The following PLEK variants were observed in gnomAD, a reference collection of about 807,000 sequenced individuals.
PLEK encodes the protein platelet 47 kDa protein.
PLEK carries 25 observed loss-of-function variants against 43.9 expected under a neutral mutation model. That is an observed-to-expected ratio of 0.57 (90% CI 0.41 to 0.79). The LOEUF is 0.79. Ranked by LOEUF, PLEK falls within the 30% of genes least tolerant of loss-of-function variation. The probability of loss-of-function intolerance (pLI) is 0.00; values close to 1 mark genes in which losing one functional copy is unlikely to be tolerated. For missense variants in PLEK, 396 were observed against 413.3 expected (o/e 0.96, Z 0.36); for synonymous variants, 152 against 144.4 (o/e 1.05, Z -0.38).
rs145243704 is a variant in PLEK at position 68,389,829 on chromosome 2, G to A, written c.762+1338G>A. On this transcript the variant is annotated intron_variant, in intron 6 of 8. Coordinates refer to ENST00000234313, the MANE Select transcript of PLEK (RefSeq NM_002664.3). ...ACAGTTTGCCCGCTGCTGCTTTCTC[G>A]TTGGTTTTGCCAAATATTCCTATGT... is the stretch of plus-strand genomic sequence containing the variant. Among the ~76,000 whole-genome samples, 8 of 152,260 alleles carry A rather than the reference G, an allele frequency of 5.3e-5. No homozygotes were observed. In the South Asian group the frequency reaches 1.0e-3, roughly 20 times the overall value.
chr2:68,386,677 C>T lies in PLEK; in HGVS notation c.648C>T (p.Phe216=), dbSNP rs141944320. 2 of 1,611,852 alleles carry T rather than the reference C, an allele frequency of 1.2e-6. No individual in the cohort carries two copies. The highest frequency in any genetic ancestry group is 1.7e-6 in the Non-Finnish European group (2 of 1,178,280). ...ENPFLDNPDA[F]YYFPDSGFFC... ...CTTTCCTGGACAACCCTGATGCCTT[C>T]TACTACTTTGTAAGAAAAGCTCCCC... The change falls in exon 5 of 9, where the codon TTC becomes TTT. Residue 216 remains phenylalanine, a synonymous_variant. Coordinates refer to ENST00000234313, the MANE Select transcript of PLEK (RefSeq NM_002664.3).
chr2:68,389,163 A>G (rs1412126593), intron 6 of PLEK, among the ~76,000 whole-genome samples: 1 of 152,234 alleles, frequency 6.6e-6, no homozygotes, highest in Non-Finnish European at 1.5e-5. Flanking sequence ...GCCAAGAGGT[A>G]AGAGATGGAC....
At chr2:68,389,696 G>T (rs1377700633) in intron 6 of PLEK, among the ~76,000 whole-genome samples, 1 of 152,160 alleles carries the variant, frequency 6.6e-6, no homozygotes, top group East Asian at 1.9e-4. Context: ...AGAATTCATG[G>T]ACTATTATAG....
chr2:68,383,913 A>G (rs1673683323), intron 4 of PLEK, among the ~76,000 whole-genome samples: 2 of 152,332 alleles, frequency 1.3e-5, no homozygotes, highest in South Asian at 4.1e-4. Flanking sequence ...GCAGCCCAGC[A>G]TCAGACAAGG....
intron 1 of PLEK, among the ~76,000 whole-genome samples, chr2:68,371,966 T>C (rs1318794647): frequency 6.6e-6 from 1 of 152,218 alleles, no homozygotes; most frequent in Non-Finnish European, 1.5e-5. Context: ...CAATCAATTA[T>C]GTTTTATTGG....
chr2:68,387,067 G>A (rs1673760893), intron 5 of PLEK, among the ~76,000 whole-genome samples: 1 of 152,118 alleles, frequency 6.6e-6, no homozygotes, highest in South Asian at 2.1e-4. Context: ...GTGCAGTGGT[G>A]TCATCTCGGC....
chr2:68,380,328 G>A lies in PLEK; in HGVS notation c.43G>A (p.Gly15Arg), dbSNP rs772352305. 5 of 1,611,070 alleles carry A rather than the reference G, an allele frequency of 3.1e-6. No homozygotes were observed. The highest frequency in any genetic ancestry group is 1.3e-5 in the African/African-American group (1 of 74,852). ...TCAGCTCTTTTGGTTGTCATTACAG[G>A]GGAGCGTGTTCAATACGTGGAAACC... ...RIREGYLVKK[G>R]SVFNTWKPMW... The change falls in exon 2 of 9, where the codon GGG becomes AGG. Residue 15 changes from glycine to arginine, a missense_variant and splice_region_variant. Physicochemically the swap from Gly to Arg is moderately radical, Grantham distance 125 (BLOSUM62 -2). Coordinates refer to ENST00000234313, the MANE Select transcript of PLEK (RefSeq NM_002664.3).
At chr2:68,384,649 C>G (rs922399498) in intron 4 of PLEK, among the ~76,000 whole-genome samples, 5 of 152,134 alleles carry the variant, frequency 3.3e-5, no homozygotes, top group Non-Finnish European at 7.4e-5. Context: ...TGGGACCCAG[C>G]AGTACTGACA....
chr2:68,392,142 T>C (rs1673872109), intron 6 of PLEK, among the ~76,000 whole-genome samples: 1 of 151,780 alleles, frequency 6.6e-6, no homozygotes, highest in Non-Finnish European at 1.5e-5. Flanking sequence ...CTTTCCTTCC[T>C]CCTACCTTCC....
intron 3 of PLEK, among the ~76,000 whole-genome samples, chr2:68,381,997 G>A (rs372827616): frequency 6.6e-6 from 1 of 152,192 alleles, no homozygotes; most frequent in African/African-American, 2.4e-5. Context: ...TATCTTTGAT[G>A]TATTACTTCA....
intron 7 of PLEK, 26 bp downstream of exon 7, chr2:68,393,271 A>G (rs778180994): frequency 2.2e-6 from 3 of 1,395,226 alleles, no homozygotes; most frequent in African/African-American, 2.8e-5. Flanking sequence ...TCATAAATCC[A>G]TTCAAATAAA....
rs771791179 is a variant in PLEK at position 68,394,165 on chromosome 2, G to A, written c.905G>A (p.Ser302Asn). The part of the protein sequence containing the change: ...LRGCVVTSVE[S>N]NSNGRKSEEE... ...GGCTGTGTGGTGACTTCAGTGGAGA[G>A]CAACTCAAATGGTAAGATGAATTTC... The change falls in exon 8 of 9, where the codon AGC (serine) becomes AAC (asparagine). Residue 302 changes from serine to asparagine, a missense_variant. Transcript: ENST00000234313. 1.9e-6 allele frequency: 3 copies of A among 1,599,972 alleles called. No homozygotes were observed. Among genetic ancestry groups the A allele is most frequent in the Non-Finnish European group, 2.6e-6 (3 of 1,167,306 alleles).
At chr2:68,366,876 A>AG (rs1182317149) in intron 1 of PLEK, among the ~76,000 whole-genome samples, 1 of 152,208 alleles carries the variant, frequency 6.6e-6, no homozygotes, top group Non-Finnish European at 1.5e-5. Context: ...TTTTTAAACA[A>AG]TTAAAAACAT....
chr2:68,374,501 T>G (rs1320061388), intron 1 of PLEK, among the ~76,000 whole-genome samples: 1 of 152,170 alleles, frequency 6.6e-6, no homozygotes, highest in Non-Finnish European at 1.5e-5. Context: ...TGGAGTTAAC[T>G]AACAGGACCT....
At position 68,382,393 on chromosome 2, in the gene PLEK, A is replaced by T. The variant is rs2103773094; in HGVS notation, c.381-149A>T. ...TTGCCCCTCCACTACTTATGATCTG[A>T]TGGAGGGAGATTAAGCTCAGGGGAT... On this transcript the variant is annotated intron_variant, in intron 3 of 8. Coordinates refer to ENST00000234313, the MANE Select transcript of PLEK (RefSeq NM_002664.3). The T allele has an allele frequency of 5.1e-6, 3 of 587,186 alleles. No individual in the cohort carries two copies. In the East Asian group the frequency reaches 8.3e-5, roughly 16 times the overall value. The allele number at this position is 587,186 out of a possible 1,614,324, so 36.4% of individuals were successfully genotyped here.
intron 1 of PLEK, among the ~76,000 whole-genome samples, chr2:68,379,271 G>A (rs180994460): frequency 8.7e-4 from 133 of 152,296 alleles, no homozygotes; most frequent in South Asian, 3.9e-3. Flanking sequence ...GGTAAAACCA[G>A]CTTTTATTTA....
intron 1 of PLEK, among the ~76,000 whole-genome samples, chr2:68,376,354 T>C (rs1251877385): frequency 2.0e-5 from 3 of 152,166 alleles, no homozygotes; most frequent in East Asian, 3.9e-4. Flanking sequence ...GTATATACAT[T>C]TTATCTTAAT....
At chr2:68,369,640 T>C (rs1673355198) in intron 1 of PLEK, among the ~76,000 whole-genome samples, 1 of 152,168 alleles carries the variant, frequency 6.6e-6, no homozygotes, top group African/African-American at 2.4e-5. Context: ...TGCTGGCCAC[T>C]GTGGTGAATG....
chr2:68,372,695 GCACA>G (rs138386773), intron 1 of PLEK, among the ~76,000 whole-genome samples: 2 of 151,118 alleles, frequency 1.3e-5, no homozygotes, highest in East Asian at 1.9e-4. Flanking sequence ...ACACACACAT[GCACA>G]CACACACACA....
Sources: gnomAD v4.1 joint callset for allele counts (sites outside exome capture counted in the v4.1 genomes callset) on GRCh38, gnomAD v4.1.1 for gene constraint, MANE v1.5 for transcripts, NCBI Gene and HGNC (gene_info 2026-07-23, HGNC 2026-07-21) for gene names.